Variants in NREP observed in about 807,000 individuals in gnomAD.
NREP encodes neuronal regeneration related protein.
In NREP, 5 loss-of-function variants were observed where a neutral mutation model predicts 8.6. That is an observed-to-expected ratio of 0.58 (90% CI 0.30 to 1.22). The LOEUF is 1.22. NREP is among the 50% of genes most tolerant of loss of function. The probability of loss-of-function intolerance (pLI) is 0.07; values close to 1 mark genes in which losing one functional copy is unlikely to be tolerated. For synonymous variants in NREP, 27 were observed against 28.0 expected (o/e 0.96, Z 0.11); for missense variants, 86 against 82.5 (o/e 1.04, Z -0.17).
intron 2 of NREP, among the ~76,000 whole-genome samples, chr5:111,882,164 G>C (rs1053863404): frequency 3.9e-5 from 6 of 152,218 alleles, no homozygotes; most frequent in South Asian, 2.1e-4. Context: ...AGCCAAGGCT[G>C]GAGAACTACG....
At chr5:111,748,019 C>A (rs998089988) in intron 2 of NREP, among the ~76,000 whole-genome samples, 3 of 152,132 alleles carry the variant, frequency 2.0e-5, no homozygotes, top group Admixed American at 2.0e-4. Flanking sequence ...CTGTGCTGCC[C>A]GCTGGAAAAG....
At position 111,880,020 on chromosome 5, in the gene NREP, A is replaced by T. The variant is rs755388364; in HGVS notation, c.135+95254T>A. Among the ~76,000 whole-genome samples the T allele has an allele frequency of 6.2e-4, 95 of 152,320 alleles. No individual in the cohort carries two copies. In the Middle Eastern group the frequency reaches 0.01, roughly 16 times the overall value. On this transcript the variant is annotated intron_variant, in intron 2 of 3. Coordinates refer to the NREP transcript ENST00000395634. ...GAGATATAAACATTCAGTTTATAAC[A>T]GTGCTTGAAATTAATATTCATTTCC...
chr5:111,776,523 T>C (rs1751363722), intron 2 of NREP, among the ~76,000 whole-genome samples: 1 of 152,186 alleles, frequency 6.6e-6, no homozygotes, highest in Admixed American at 6.5e-5. Context: ...AGTCTGTTCA[T>C]TGCAGATTTT....
At chr5:111,836,826 G>A (rs1428065361) in intron 2 of NREP, among the ~76,000 whole-genome samples, 7 of 152,034 alleles carry the variant, frequency 4.6e-5, no homozygotes, top group African/African-American at 1.7e-4. Context: ...TCAAAAGGGT[G>A]TCCCGTGTTT....
chr5:111,753,616 A>C (rs941482985), intron 2 of NREP, among the ~76,000 whole-genome samples: 2 of 151,966 alleles, frequency 1.3e-5, no homozygotes, highest in African/African-American at 4.8e-5. Context: ...AATATACTGA[A>C]ATTAGATCCT....
chr5:111,848,604 A>C (rs78929666), intron 2 of NREP, among the ~76,000 whole-genome samples: 8,586 of 152,098 alleles, frequency 0.056, 563 homozygotes, highest in East Asian at 0.24. Context: ...AGCTCTGCTA[A>C]ATAGTGAGTT....
At chr5:111,819,397 A>C (rs1752465983) in intron 2 of NREP, among the ~76,000 whole-genome samples, 1 of 152,306 alleles carries the variant, frequency 6.6e-6, no homozygotes, top group South Asian at 2.1e-4. Context: ...GTCAGGAATA[A>C]GAACCCCTTC....
upstream of NREP, chr5:111,757,236 G>C: frequency 1.8e-6 from 1 of 563,738 alleles, no homozygotes; most frequent in Non-Finnish European, 2.2e-6. Flanking sequence ...GATTGGGGGG[G>C]GAGGGGGGAT....
chr5:111,815,114 AAGAAACCTAAC>A (rs1752355829), intron 2 of NREP, among the ~76,000 whole-genome samples: 1 of 152,132 alleles, frequency 6.6e-6, no homozygotes, highest in Non-Finnish European at 1.5e-5. Context: ...AAAAGTTAGG[AAGAAACCTAAC>A]AGAAACCGGC....
chr5:111,944,656 T>C (rs551929894), intron 2 of NREP, among the ~76,000 whole-genome samples: 24 of 152,248 alleles, frequency 1.6e-4, no homozygotes, highest in African/African-American at 5.8e-4. Flanking sequence ...TTCTTGAATA[T>C]CTGTTCTTAA....
At chr5:111,901,411 C>G (rs928418590) in intron 2 of NREP, among the ~76,000 whole-genome samples, 1 of 152,118 alleles carries the variant, frequency 6.6e-6, no homozygotes, top group Non-Finnish European at 1.5e-5. Context: ...CCTCTAAGAA[C>G]TGGAACATGA....
chr5:111,906,160 C>T (rs565457040), intron 2 of NREP, among the ~76,000 whole-genome samples: 1 of 152,132 alleles, frequency 6.6e-6, no homozygotes, highest in South Asian at 2.1e-4. Flanking sequence ...GCTAGTGCCT[C>T]ATAATATAAC....
intron 2 of NREP, among the ~76,000 whole-genome samples, chr5:111,766,405 C>T (rs1751085565): frequency 6.6e-6 from 1 of 152,154 alleles, no homozygotes; most frequent in African/African-American, 2.4e-5. Context: ...GCCTTAAAAC[C>T]TCCAGCTATA....
At chr5:111,749,751 G>C (rs576432664) in intron 2 of NREP, among the ~76,000 whole-genome samples, 70 of 152,214 alleles carry the variant, frequency 4.6e-4, no homozygotes, top group Non-Finnish European at 2.2e-4. Context: ...CATACTCTCT[G>C]GCCAAGCAGA....
At chr5:111,880,760 A>T (rs143808229) in intron 2 of NREP, among the ~76,000 whole-genome samples, 87 of 111,160 alleles carry the variant, frequency 7.8e-4, no homozygotes, top group African/African-American at 3.0e-3. Context: ...TTTTTGAGAC[A>T]GGGTCTTACT....
intron 2 of NREP, among the ~76,000 whole-genome samples, chr5:111,770,905 GAGA>G (rs917943129): frequency 2.6e-5 from 4 of 152,048 alleles, no homozygotes; most frequent in Admixed American, 6.6e-5. Context: ...CAGCAAGCAA[GAGA>G]AGAAGAGCTC....
At chr5:111,842,280 A>G (rs1245587774) in intron 2 of NREP, among the ~76,000 whole-genome samples, 1 of 152,156 alleles carries the variant, frequency 6.6e-6, no homozygotes, top group Non-Finnish European at 1.5e-5. Flanking sequence ...ATGATTTGCT[A>G]TGCTAGAGAC....
intron 2 of NREP, among the ~76,000 whole-genome samples, chr5:111,844,435 A>G (rs1450191469): frequency 6.6e-6 from 1 of 151,488 alleles, no homozygotes; most frequent in African/African-American, 2.4e-5. Flanking sequence ...GAATATTTAT[A>G]TTTATGCACA....
At chr5:111,850,107 A>G (rs545587961) in intron 2 of NREP, among the ~76,000 whole-genome samples, 1 of 152,148 alleles carries the variant, frequency 6.6e-6, no homozygotes, top group East Asian at 1.9e-4. Context: ...TCCATAAACT[A>G]TACTACCTCT....
Sources: gnomAD v4.1 joint callset for allele counts (sites outside exome capture counted in the v4.1 genomes callset) on GRCh38, gnomAD v4.1.1 for gene constraint, MANE v1.5 for transcripts, NCBI Gene and HGNC (gene_info 2026-07-23, HGNC 2026-07-21) for gene names.